The following ZNF488 variants were observed in gnomAD, a reference collection of about 807,000 sequenced individuals.
ZNF488 encodes the protein zinc finger protein 488.
In ZNF488, 1 loss-of-function variant was observed where a neutral mutation model predicts 1.2. The ratio of observed to expected loss-of-function variants is 0.86; its 90% CI spans 0.30 to 4.07. The LOEUF (loss-of-function observed/expected upper bound fraction) is 4.07. Among genes scored for constraint, ZNF488 ranks in the 30% most tolerant of loss-of-function variants. The probability of loss-of-function intolerance (pLI) is 0.18; values close to 1 mark genes in which losing one functional copy is unlikely to be tolerated. For missense variants in ZNF488, 450 were observed against 437.9 expected (o/e 1.03, Z -0.25); for synonymous variants, 185 against 190.1 (o/e 0.97, Z 0.22).
In ZNF488 at chr10:47,368,085, G is replaced by A. The variant is rs3814160; in HGVS notation, c.745C>T (p.Pro249Ser). ...LWLEHTQAQV[P>S]PPSSSSTTSW... ...GTGGTGGAGGATGATGAGGGTGGGG[G>A]CACCTGGGCCTGGGTATGCTCCAGC... The change falls in exon 2 of 2, where the codon CCC (proline) becomes TCC (serine). Residue 249 changes from proline to serine, a missense_variant. By Grantham distance (74) the Pro-to-Ser change is moderately conservative (BLOSUM62 -1). Coordinates refer to ENST00000585316, the MANE Select transcript of ZNF488 (RefSeq NM_153034.4). The A allele has an allele frequency of 0.12, 193,452 of 1,614,066 alleles. 11,976 individuals carry two copies. Among genetic ancestry groups the A allele is most frequent in the Non-Finnish European group, 0.13 (151,281 of 1,179,984 alleles).
intron 1 of ZNF488, among the ~76,000 whole-genome samples, chr10:47,383,912 A>C (rs1369026678): frequency 2.0e-5 from 3 of 152,164 alleles, no homozygotes; most frequent in Non-Finnish European, 4.4e-5. Flanking sequence ...AGGGGAGAAG[A>C]ATAAACAAAG....
intron 1 of ZNF488, among the ~76,000 whole-genome samples, chr10:47,377,965 C>CA: frequency 6.6e-6 from 1 of 152,268 alleles, no homozygotes; most frequent in East Asian, 1.9e-4. Context: ...GGCATAGGTG[C>CA]ACAGAAGGAC....
At chr10:47,379,830 G>A (rs955422966) in intron 1 of ZNF488, among the ~76,000 whole-genome samples, 2 of 110,474 alleles carry the variant, frequency 1.8e-5, no homozygotes, top group African/African-American at 3.6e-5. Flanking sequence ...TCAGATGGGG[G>A]TATCTCATTC....
chr10:47,377,342 A>G (rs2132300327), intron 1 of ZNF488, among the ~76,000 whole-genome samples: 1 of 152,116 alleles, frequency 6.6e-6, no homozygotes, highest in Admixed American at 6.5e-5. Context: ...GTCTTTTTTG[A>G]GCTTATTTCT....
Position 47,368,386 on chromosome 10 carries a change from G to A in ZNF488, c.444C>T (p.Phe148=), listed in dbSNP as rs782174021. 3 of 1,614,202 alleles carry A rather than the reference G, an allele frequency of 1.9e-6. No homozygotes were observed. Among genetic ancestry groups the A allele is most frequent in the South Asian group, 2.2e-5 (2 of 91,078 alleles). Residue 148 remains phenylalanine (F), a synonymous_variant, in exon 2 of 2, where the codon TTC becomes TTT. Transcript: ENST00000585316. ...TTCGTGCTCCGCTGGGCCACACAGA[G>A]AAGACTTTGCTGCCAGCTGGGCCTC... is the stretch of plus-strand genomic sequence containing the variant. ...IPRGPAGSKV[F]SVWPSGARSE...
chr10:47,382,018 T>C (rs1191126497), intron 1 of ZNF488, among the ~76,000 whole-genome samples: 2 of 152,278 alleles, frequency 1.3e-5, no homozygotes, highest in Non-Finnish European at 2.9e-5. Context: ...TTAGCCCTGG[T>C]CACTCAGGCG....
chr10:47,380,601 G>A (rs767228683), intron 1 of ZNF488, among the ~76,000 whole-genome samples: 1 of 151,158 alleles, frequency 6.6e-6, no homozygotes, highest in Non-Finnish European at 1.5e-5. Context: ...TGTGGTTCTC[G>A]GTTTATCACC....
At chr10:47,372,886 G>C (rs1273121136) in intron 1 of ZNF488, among the ~76,000 whole-genome samples, 1 of 152,242 alleles carries the variant, frequency 6.6e-6, no homozygotes, top group Non-Finnish European at 1.5e-5. Flanking sequence ...TCAACCTCAT[G>C]TGTGTCCAGA....
intron 1 of ZNF488, among the ~76,000 whole-genome samples, chr10:47,381,991 C>T (rs1555215539): frequency 6.6e-6 from 1 of 152,290 alleles, no homozygotes; most frequent in East Asian, 1.9e-4. Context: ...ACATGGAAGT[C>T]ACATAAAGGG....
intron 1 of ZNF488, among the ~76,000 whole-genome samples, chr10:47,383,721 G>A (rs1488559265): frequency 2.6e-5 from 4 of 152,200 alleles, no homozygotes; most frequent in African/African-American, 9.7e-5. Context: ...TGGGGCTGAT[G>A]CATGGTTCTT....
Position 47,367,634 on chromosome 10 carries a change from A to G in ZNF488, c.*173T>C. The stretch of plus-strand genomic sequence containing the variant: ...TTATTTCAGGACTTCATTTCCTTCA[A>G]AACACATCATGCAGGTGTGGCTTTT... On this transcript the variant is annotated 3_prime_UTR_variant, in exon 2 of 2. Transcript: ENST00000585316. 1.3e-6 allele frequency: 1 copy of G among 752,276 alleles called. No homozygotes were observed. The highest frequency in any genetic ancestry group is 2.1e-6 in the Non-Finnish European group (1 of 465,796). The allele number at this position is 752,276 out of a possible 1,614,324, so 46.6% of individuals were successfully genotyped here.
At chr10:47,370,399 T>C (rs1555213703) in intron 1 of ZNF488, among the ~76,000 whole-genome samples, 1 of 152,226 alleles carries the variant, frequency 6.6e-6, no homozygotes. Context: ...CCACCCAGCT[T>C]TTCCTTAGGG....
chr10:47,383,726 G>A (rs567309798), intron 1 of ZNF488, among the ~76,000 whole-genome samples: 2 of 152,300 alleles, frequency 1.3e-5, no homozygotes, highest in Admixed American at 6.5e-5. Context: ...CTGATGCATG[G>A]TTCTTACCCT....
At chr10:47,381,719 G>A (rs1299852582) in intron 1 of ZNF488, among the ~76,000 whole-genome samples, 1 of 147,900 alleles carries the variant, frequency 6.8e-6, no homozygotes, top group African/African-American at 2.6e-5. Flanking sequence ...ACTTGGCCAC[G>A]TCGACCCTCA....
At position 47,368,874 on chromosome 10, in the gene ZNF488, C is replaced by A. The variant is rs190267602; in HGVS notation, c.-45G>T. 430 of 1,536,308 alleles carry A rather than the reference C, an allele frequency of 2.8e-4. 3 individuals are homozygous for A. The Middle Eastern group carries it at 4.5e-3, about 16-fold the overall frequency. ...TGGGGTTCTGGAGGGCTTGGCCCAG[C>A]AAGGAGCCATGAGATATGGAAGCTC... On this transcript the variant is annotated 5_prime_UTR_variant, in exon 2 of 2. Coordinates refer to ENST00000585316, the MANE Select transcript of ZNF488 (RefSeq NM_153034.4).
At position 47,368,925 on chromosome 10, in the gene ZNF488, C is replaced by T. The variant is rs184590747; in HGVS notation, c.-96G>A. Reference sequence around the variant, plus strand: ...CCCATGACACTGGGCTGGACACACTCGGCCACAGGGCCCTGCAGAGAGAGG... The same window carrying T: ...CCCATGACACTGGGCTGGACACACTTGGCCACAGGGCCCTGCAGAGAGAGG... On this transcript the variant is annotated 5_prime_UTR_variant, in exon 2 of 2. Coordinates refer to ENST00000585316, the MANE Select transcript of ZNF488 (RefSeq NM_153034.4). The T allele has an allele frequency of 1.4e-5, 20 of 1,427,810 alleles. No individual in the cohort carries two copies. Among genetic ancestry groups the T allele is most frequent in the Middle Eastern group, 2.5e-4 (1 of 4,020 alleles). The allele number at this position is 1,427,810 out of a possible 1,614,324, so 88.4% of individuals were successfully genotyped here. A position where few individuals can be genotyped will look rare whatever the true frequency, so the allele number is the denominator to read the frequency against.
chr10:47,375,469 T>G (rs915019489), intron 1 of ZNF488, among the ~76,000 whole-genome samples: 8 of 152,226 alleles, frequency 5.3e-5, no homozygotes, highest in African/African-American at 1.9e-4. Flanking sequence ...CAAGGCTTGA[T>G]TTCTTGTTTT....
intron 1 of ZNF488, among the ~76,000 whole-genome samples, chr10:47,370,762 G>C (rs1258270929): frequency 3.9e-5 from 6 of 152,202 alleles, no homozygotes; most frequent in African/African-American, 1.4e-4. Flanking sequence ...CGAATGCTGA[G>C]GAGGCAAAAG....
At chr10:47,373,911 T>C (rs1437066563) in intron 1 of ZNF488, among the ~76,000 whole-genome samples, 1 of 152,230 alleles carries the variant, frequency 6.6e-6, no homozygotes, top group African/African-American at 2.4e-5. Flanking sequence ...CATTCTGCTC[T>C]TAGGTGCTCC....
Sources: allele counts gnomAD v4.1 joint callset (sites outside exome capture counted in the v4.1 genomes callset), GRCh38; gene constraint gnomAD v4.1.1; transcripts MANE v1.5; gene names NCBI Gene and HGNC (gene_info 2026-07-23, HGNC 2026-07-21).